FBXO11: variants seen among roughly 807,000 people sequenced by gnomAD.
FBXO11 encodes F-box protein 11.
Under a neutral mutation model 117.0 loss-of-function variants are expected in FBXO11, and 13 were observed. The ratio of observed to expected loss-of-function variants is 0.11; its 90% CI spans 0.07 to 0.18. The LOEUF is 0.18. Among genes scored for constraint, FBXO11 ranks in the 10% least tolerant of loss-of-function variants. The probability of loss-of-function intolerance (pLI) is 1.00; values close to 1 mark genes in which losing one functional copy is unlikely to be tolerated. For synonymous variants in FBXO11, 490 were observed against 380.5 expected, an observed-to-expected ratio of 1.29 and a Z score of -3.35; for missense variants, 767 against 1,164.4, an observed-to-expected ratio of 0.66 and a Z score of 4.97.
intron 11 of FBXO11, among the ~76,000 whole-genome samples, chr2:47,827,464 G>A (rs540251309): frequency 1.3e-5 from 2 of 152,088 alleles, no homozygotes; most frequent in South Asian, 4.1e-4. Context: ...GAGCCACCAC[G>A]CCCAGCTAAT....
chr2:47,824,495 G>C (rs1361904217), intron 11 of FBXO11, among the ~76,000 whole-genome samples: 3 of 151,990 alleles, frequency 2.0e-5, no homozygotes, highest in Non-Finnish European at 2.9e-5. Flanking sequence ...AATAAATAAA[G>C]GTTGACCAAA....
Position 47,892,133 on chromosome 2 carries a change from T to C in FBXO11, c.232+13356A>G, listed in dbSNP as rs556275138. 9.2e-5 allele frequency among the ~76,000 whole-genome samples: 14 copies of C among 152,324 alleles called. No individual in the cohort carries two copies. The South Asian group carries it at 2.7e-3, about 29-fold the overall frequency. On this transcript the variant is annotated intron_variant, in intron 1 of 22. Coordinates refer to ENST00000403359, the MANE Select transcript of FBXO11 (RefSeq NM_001190274.2). ...GCTTTATAGTTTGATGTCTCACTTG[T>C]CTATTTTTACTTTTGTTGCCTGTCC...
At chr2:47,873,349 C>A (rs1039165996) in intron 1 of FBXO11, among the ~76,000 whole-genome samples, 1 of 152,226 alleles carries the variant, frequency 6.6e-6, no homozygotes, top group Admixed American at 6.5e-5. Flanking sequence ...CCTGGTTGCA[C>A]AGGACACAGA....
At chr2:47,819,520 C>A (rs561298676) in intron 14 of FBXO11, among the ~76,000 whole-genome samples, 1 of 152,176 alleles carries the variant, frequency 6.6e-6, no homozygotes, top group South Asian at 2.1e-4. Flanking sequence ...GGCCAACATT[C>A]TTTTTATGTA....
chr2:47,886,901 T>A (rs559477505), intron 1 of FBXO11, among the ~76,000 whole-genome samples: 1 of 152,132 alleles, frequency 6.6e-6, no homozygotes, highest in Non-Finnish European at 1.5e-5. Flanking sequence ...TAACTGAGCA[T>A]AGTGGCACAT....
intron 16 of FBXO11, among the ~76,000 whole-genome samples, chr2:47,816,319 A>G (rs1250907879): frequency 6.6e-6 from 1 of 152,126 alleles, no homozygotes. Context: ...AGCTGGGACC[A>G]CAGGCGCATG....
chr2:47,893,389 G>A (rs1055805862), intron 1 of FBXO11, among the ~76,000 whole-genome samples: 2 of 151,858 alleles, frequency 1.3e-5, no homozygotes, highest in Admixed American at 6.6e-5. Context: ...GGAGATATAA[G>A]GATAAACAGA....
chr2:47,869,164 AGGAGTGACACCACTT>A (rs2103813295), intron 1 of FBXO11, among the ~76,000 whole-genome samples: 1 of 152,328 alleles, frequency 6.6e-6, no homozygotes, highest in East Asian at 1.9e-4. Flanking sequence ...CGGTGGAAAT[AGGAGTGACACCACTT>A]ATTTATTACC....
chr2:47,848,811 C>T (rs1673618123), intron 1 of FBXO11, among the ~76,000 whole-genome samples: 1 of 152,150 alleles, frequency 6.6e-6, no homozygotes, highest in South Asian at 2.1e-4. Flanking sequence ...ACTGTCTTGA[C>T]TCTATTTATT....
intron 1 of FBXO11, among the ~76,000 whole-genome samples, chr2:47,848,053 G>C (rs1673555037): frequency 6.6e-6 from 1 of 151,096 alleles, no homozygotes. Flanking sequence ...GAACCCGGGA[G>C]GTGGAGCTTG....
intron 1 of FBXO11, among the ~76,000 whole-genome samples, chr2:47,901,013 A>G (rs1415982720): frequency 7.0e-6 from 1 of 143,670 alleles, no homozygotes; most frequent in Non-Finnish European, 1.5e-5. Context: ...GGAGATATAT[A>G]TATTTATGTA....
At chr2:47,839,827 A>G in intron 1 of FBXO11, 58 bp from the exon 2 acceptor site, 1 of 1,516,714 alleles carries the variant, frequency 6.6e-7, no homozygotes, top group Admixed American at 2.2e-5. Flanking sequence ...AGTTCTATGG[A>G]TACAGAAAAC....
intron 11 of FBXO11, among the ~76,000 whole-genome samples, chr2:47,830,439 A>T (rs908272609): frequency 6.6e-6 from 1 of 152,216 alleles, no homozygotes; most frequent in African/African-American, 2.4e-5. Flanking sequence ...AATGAATCAA[A>T]ATTTAAATTC....
intron 20 of FBXO11, 109 bp downstream of exon 20, chr2:47,809,491 A>G: frequency 8.5e-6 from 7 of 819,836 alleles, no homozygotes; most frequent in Non-Finnish European, 1.2e-5. Context: ...TCTATCTTAA[A>G]CTGTTGCTAA....
chr2:47,824,304 A>AG (rs1475585067), intron 11 of FBXO11, among the ~76,000 whole-genome samples: 2 of 152,182 alleles, frequency 1.3e-5, no homozygotes, highest in African/African-American at 4.8e-5. Context: ...CCTGGGTAAC[A>AG]GTGAGACGTC....
chr2:47,836,997 C>T (rs1328351791), intron 4 of FBXO11: 1 of 328,822 alleles, frequency 3.0e-6, no homozygotes, highest in South Asian at 2.3e-5. Flanking sequence ...TTCAGCCTCC[C>T]AAAGTGCTGG....
chr2:47,807,644 T>C lies in FBXO11; in HGVS notation c.*474A>G, dbSNP rs1411129612. 9.2e-6 allele frequency: 2 copies of C among 218,126 alleles called. No individual in the cohort carries two copies. The highest frequency in any genetic ancestry group is 1.4e-4 in the East Asian group (2 of 14,618). 13.5% of individuals were successfully genotyped at this position (218,126 alleles called of 1,614,324 possible). The stretch of plus-strand genomic sequence containing the variant: ...ACATGAGATTAAAGCATTAAAATCA[T>C]ATTTCTCAATCTGAATACATGTTAA... On this transcript the variant is annotated 3_prime_UTR_variant, in exon 23 of 23. Coordinates refer to ENST00000403359, the MANE Select transcript of FBXO11 (RefSeq NM_001190274.2).
chr2:47,882,301 G>C (rs1367726913), intron 1 of FBXO11, among the ~76,000 whole-genome samples: 7 of 152,200 alleles, frequency 4.6e-5, no homozygotes, highest in Non-Finnish European at 1.0e-4. Flanking sequence ...AGGCCAGCCA[G>C]ATTTCAATGT....
intron 16 of FBXO11, among the ~76,000 whole-genome samples, chr2:47,817,370 G>C (rs891239509): frequency 5.9e-5 from 9 of 152,140 alleles, no homozygotes; most frequent in Admixed American, 5.9e-4. Flanking sequence ...CTCCATATTA[G>C]CATAAGTCCA....
Sources: gnomAD v4.1 joint callset for allele counts (sites outside exome capture counted in the v4.1 genomes callset) on GRCh38, gnomAD v4.1.1 for gene constraint, MANE v1.5 for transcripts, NCBI Gene and HGNC (gene_info 2026-07-23, HGNC 2026-07-21) for gene names.